HIF1AN: variants seen among roughly 807,000 people sequenced by gnomAD.
HIF1AN encodes hypoxia inducible factor 1 subunit alpha inhibitor, also known as hypoxia-inducible factor 1-alpha inhibitor.
Under a neutral mutation model 47.7 loss-of-function variants are expected in HIF1AN, and 21 were observed. The observed-to-expected ratio is 0.44, with a 90% CI of 0.31 to 0.63. The LOEUF is 0.63. Among genes scored for constraint, HIF1AN ranks in the 30% least tolerant of loss-of-function variants. The pLI, the probability that HIF1AN is intolerant of heterozygous loss-of-function variation, is 0.07. For missense variants in HIF1AN, 320 were observed against 432.7 expected (o/e 0.74, Z 2.31); for synonymous variants, 152 against 155.9 (o/e 0.98, Z 0.18).
intron 2 of HIF1AN, among the ~76,000 whole-genome samples, chr10:100,539,389 T>G (rs1842998059): frequency 6.6e-6 from 1 of 152,202 alleles, no homozygotes; most frequent in Non-Finnish European, 1.5e-5. Context: ...CTCAGGTATG[T>G]TAGGAGCCTG....
In HIF1AN at chr10:100,551,102, C is replaced by T. The variant is rs1445121475; in HGVS notation, c.*2965C>T. The T allele has an allele frequency of 6.6e-6, 1 of 152,040 alleles. No homozygotes were observed. Among genetic ancestry groups the T allele is most frequent in the African/African-American group, 2.4e-5 (1 of 41,374 alleles). The allele number at this position is 152,040 out of a possible 1,614,324, so 9.4% of individuals were successfully genotyped here. On this transcript the variant is annotated 3_prime_UTR_variant, in exon 8 of 8. Transcript: ENST00000299163. Reference sequence around the variant, plus strand: ...AGAGAAAACTAGTGTTTTGTAAAGTCAAATATTTGTTGGGGGTTGGAGTTC... The same window carrying T: ...AGAGAAAACTAGTGTTTTGTAAAGTTAAATATTTGTTGGGGGTTGGAGTTC...
intron 2 of HIF1AN, among the ~76,000 whole-genome samples, chr10:100,539,972 A>C (rs560319745): frequency 6.6e-5 from 10 of 152,166 alleles, no homozygotes; most frequent in African/African-American, 2.4e-4. Flanking sequence ...GTGCATTTTT[A>C]TGGGGAACCT....
In HIF1AN at chr10:100,556,522, C is replaced by CA. The variant is rs964281942; in HGVS notation, c.*8386dup. ...GAGGTTACTGATGGGTAGAGATTGT[C>CA]AGAGTCTGCCTTGCTAGTCTAGAGG... On this transcript the variant is annotated 3_prime_UTR_variant, in exon 8 of 8. Coordinates refer to ENST00000299163, the MANE Select transcript of HIF1AN (RefSeq NM_017902.3). 2.6e-5 allele frequency: 4 copies of CA among 152,252 alleles called. No homozygotes were observed. The highest frequency in any genetic ancestry group is 9.6e-5 in the African/African-American group (4 of 41,464). The allele number at this position is 152,252 out of a possible 1,614,324, so 9.4% of individuals were successfully genotyped here.
chr10:100,540,920 G>T (rs1353975367), intron 3 of HIF1AN, 138 bp downstream of exon 3: 2 of 827,314 alleles, frequency 2.4e-6, no homozygotes, highest in Non-Finnish European at 3.6e-6. Flanking sequence ...AGCTCTAAAA[G>T]AAACATAATA....
Position 100,555,879 on chromosome 10 carries a change from G to A in HIF1AN, c.*7742G>A, listed in dbSNP as rs1843210538. The A allele has an allele frequency of 6.6e-6, 1 of 152,234 alleles. No homozygotes were observed. Among genetic ancestry groups the A allele is most frequent in the South Asian group, 2.1e-4 (1 of 4,834 alleles). 9.4% of individuals were successfully genotyped at this position (152,234 alleles called of 1,614,324 possible). A position where few individuals can be genotyped will look rare whatever the true frequency, so the allele number is the denominator to read the frequency against. On this transcript the variant is annotated 3_prime_UTR_variant, in exon 8 of 8. Coordinates refer to ENST00000299163, the MANE Select transcript of HIF1AN (RefSeq NM_017902.3). The stretch of plus-strand genomic sequence containing the variant: ...TTTTATTACCTCTTGAATATATATA[G>A]TGCAATATAGTGTAGTGGTTGAGAG...
At chr10:100,542,038 A>G (rs528209506) in intron 3 of HIF1AN, among the ~76,000 whole-genome samples, 206 of 152,316 alleles carry the variant, frequency 1.4e-3, no homozygotes, top group African/African-American at 4.6e-3. Flanking sequence ...AGGTATAGTA[A>G]AAGTACGGTA....
At chr10:100,546,612 C>T in intron 6 of HIF1AN, 31 bp downstream of exon 6, 1 of 1,551,116 alleles carries the variant, frequency 6.4e-7, no homozygotes, top group Non-Finnish European at 8.9e-7. Flanking sequence ...TTGTTTTTTC[C>T]AGATGGAACT....
rs534767230 is a variant in HIF1AN, at chr10:100,548,467, C to T, written c.*330C>T. Reference sequence around the variant, plus strand: ...TAGTCTGTCAACTTCGGAATGTGTGCGTGTGTGTGCATGCACACGCATGTA... The same window carrying T: ...TAGTCTGTCAACTTCGGAATGTGTGTGTGTGTGTGCATGCACACGCATGTA... On this transcript the variant is annotated 3_prime_UTR_variant, in exon 8 of 8. Coordinates refer to ENST00000299163, the MANE Select transcript of HIF1AN (RefSeq NM_017902.3). 8.7e-5 allele frequency: 25 copies of T among 287,158 alleles called. No homozygotes were observed. The highest frequency in any genetic ancestry group is 2.0e-4 in the East Asian group (3 of 15,262). The allele number at this position is 287,158 out of a possible 1,614,324, so 17.8% of individuals were successfully genotyped here. A position where few individuals can be genotyped will look rare whatever the true frequency, so the allele number is the denominator to read the frequency against.
chr10:100,555,616 C>A lies in HIF1AN; in HGVS notation c.*7479C>A, dbSNP rs896576825. On this transcript the variant is annotated 3_prime_UTR_variant, in exon 8 of 8. Coordinates refer to ENST00000299163, the MANE Select transcript of HIF1AN (RefSeq NM_017902.3). ...CCTAGCTTTGTGGGTGAAGAAGATA[C>A]CTCTTTAGCTTGTGCCAACCCATCC... 7.2e-5 allele frequency: 11 copies of A among 152,292 alleles called. No homozygotes were observed. The highest frequency in any genetic ancestry group is 1.9e-4 in the East Asian group (1 of 5,200). The allele number at this position is 152,292 out of a possible 1,614,324, so 9.4% of individuals were successfully genotyped here.
At chr10:100,546,451 G>GC in intron 5 of HIF1AN, 67 bp from the exon 6 acceptor site, 1 of 365,884 alleles carries the variant, frequency 2.7e-6, no homozygotes, top group Non-Finnish European at 4.7e-6. Context: ...CCACCCCCCC[G>GC]CACTTCGCCC....
At chr10:100,545,265 C>T in intron 4 of HIF1AN, 169 bp downstream of exon 4, 1 of 624,750 alleles carries the variant, frequency 1.6e-6, no homozygotes, top group African/African-American at 1.8e-5. Context: ...TTCCAGGCTC[C>T]CTGGAGTGGC....
rs909235486 is a variant in HIF1AN, at chr10:100,553,562, A to G, written c.*5425A>G. ...AGTCCCATAGCTGATGAAAGAATTTACATATGGGCTCCCCCCTGCTTTCCC... is the reference window on the plus strand; with the variant it reads ...AGTCCCATAGCTGATGAAAGAATTTGCATATGGGCTCCCCCCTGCTTTCCC... On this transcript the variant is annotated 3_prime_UTR_variant, in exon 8 of 8. Transcript: ENST00000299163. 6.6e-6 allele frequency: 1 copy of G among 152,218 alleles called. No homozygotes were observed. The highest frequency in any genetic ancestry group is 2.4e-5 in the African/African-American group (1 of 41,452). 9.4% of individuals were successfully genotyped at this position (152,218 alleles called of 1,614,324 possible).
At chr10:100,537,761 T>C (rs922912688) in intron 2 of HIF1AN, among the ~76,000 whole-genome samples, 1 of 152,256 alleles carries the variant, frequency 6.6e-6, no homozygotes, top group African/African-American at 2.4e-5. Flanking sequence ...CTTGCTTCAC[T>C]CACTCCTGTT....
chr10:100,538,260 C>T (rs574470801), intron 2 of HIF1AN, among the ~76,000 whole-genome samples: 8 of 152,174 alleles, frequency 5.3e-5, no homozygotes, highest in East Asian at 3.9e-4. Flanking sequence ...ACTTTAGCAC[C>T]GAGCAGCTTC....
In HIF1AN at chr10:100,551,981, C is replaced by T. The variant is rs1843166195; in HGVS notation, c.*3844C>T. The T allele has an allele frequency of 6.6e-6, 1 of 152,072 alleles. No homozygotes were observed. The highest frequency in any genetic ancestry group is 6.6e-5 in the Admixed American group (1 of 15,246). The allele number at this position is 152,072 out of a possible 1,614,324, so 9.4% of individuals were successfully genotyped here. A position where few individuals can be genotyped will look rare whatever the true frequency, so the allele number is the denominator to read the frequency against. Reference sequence around the variant, plus strand: ...CTACGCTTCCTAGCAACGTTGATGTCCCCACAACCCCACATCAGTGCAGCT... The same window carrying T: ...CTACGCTTCCTAGCAACGTTGATGTTCCCACAACCCCACATCAGTGCAGCT... On this transcript the variant is annotated 3_prime_UTR_variant, in exon 8 of 8. Transcript: ENST00000299163.
rs1041655882 is a variant in HIF1AN, at chr10:100,540,732, A to G, written c.527A>G (p.Lys176Arg). The change falls in exon 3 of 8, where the codon AAG becomes AGG. Residue 176 changes from lysine (K) to arginine (R), a missense_variant. This residue lies in a region of HIF1AN where 161 missense variants were observed against 272.8 expected (regional missense o/e 0.59). Transcript: ENST00000299163. ...NWNWINKQQGKRGWGQLTSNL... is the reference protein window; with the variant it reads ...NWNWINKQQGRRGWGQLTSNL... ...AACTGGATTAATAAGCAACAGGGAAAGCGTGGCTGGGGGCAGCTTACCTCT... is the reference window on the plus strand; with the variant it reads ...AACTGGATTAATAAGCAACAGGGAAGGCGTGGCTGGGGGCAGCTTACCTCT... 4 of 1,613,636 alleles carry G rather than the reference A, an allele frequency of 2.5e-6. No individual in the cohort carries two copies. The highest frequency in any genetic ancestry group is 3.4e-6 in the Non-Finnish European group (4 of 1,179,860).
chr10:100,544,571 C>T (rs1843076798), intron 3 of HIF1AN, among the ~76,000 whole-genome samples: 1 of 152,212 alleles, frequency 6.6e-6, no homozygotes, highest in African/African-American at 2.4e-5. Context: ...TGATACCAGT[C>T]ATTTCTGTTT....
rs1408561918 is a variant in HIF1AN, at chr10:100,556,277, A to G, written c.*8140A>G. 1 of 152,190 alleles carries G rather than the reference A, an allele frequency of 6.6e-6. No individual in the cohort carries two copies. The highest frequency in any genetic ancestry group is 1.5e-5 in the Non-Finnish European group (1 of 68,046). 9.4% of individuals were successfully genotyped at this position (152,190 alleles called of 1,614,324 possible). A position where few individuals can be genotyped will look rare whatever the true frequency, so the allele number is the denominator to read the frequency against. On this transcript the variant is annotated 3_prime_UTR_variant, in exon 8 of 8. Coordinates refer to ENST00000299163, the MANE Select transcript of HIF1AN (RefSeq NM_017902.3). ...CCATCAGTGGGGAATGACCTTCCAA[A>G]AATATTTTTAACAATACTAAAAATA...
chr10:100,544,016 C>T (rs1406017672), intron 3 of HIF1AN, among the ~76,000 whole-genome samples: 1 of 152,166 alleles, frequency 6.6e-6, no homozygotes, highest in Non-Finnish European at 1.5e-5. Flanking sequence ...TCTGTCTTGG[C>T]ATACCCAGAC....
Sources: gnomAD v4.1 joint callset for allele counts (sites outside exome capture counted in the v4.1 genomes callset) on GRCh38, gnomAD v4.1.1 for gene constraint, gnomAD v4.1.1 regional missense constraint, MANE v1.5 for transcripts, NCBI Gene and HGNC (gene_info 2026-07-23, HGNC 2026-07-21) for gene names.